The following CDH13 variants were observed in gnomAD, a reference collection of about 807,000 sequenced individuals.
CDH13 encodes the protein cadherin-13.
CDH13 carries 24 observed loss-of-function variants against 63.8 expected under a neutral mutation model. The observed-to-expected ratio is 0.38, with a 90% CI of 0.27 to 0.53. The LOEUF is 0.53. Among genes scored for constraint, CDH13 ranks in the 20% least tolerant of loss-of-function variants. The pLI, the probability that CDH13 is intolerant of heterozygous loss-of-function variation, is 0.85. For missense variants in CDH13, 1,049 were observed against 903.1 expected, an observed-to-expected ratio of 1.16 and a Z score of -2.07; for synonymous variants, 503 against 355.3, an observed-to-expected ratio of 1.42 and a Z score of -4.67.
chr16:82,769,122 C>G (rs1028726198), intron 1 of CDH13, among the ~76,000 whole-genome samples: 1 of 152,146 alleles, frequency 6.6e-6, no homozygotes, highest in Non-Finnish European at 1.5e-5. Flanking sequence ...CATTTTATAT[C>G]ATTTAGATCT....
intron 7 of CDH13, among the ~76,000 whole-genome samples, chr16:83,579,276 A>G (rs1474168685): frequency 1.3e-5 from 2 of 152,164 alleles, no homozygotes; most frequent in Admixed American, 6.5e-5. Flanking sequence ...CTGACTTCCT[A>G]CACTGTCATT....
At chr16:83,488,586 T>A (rs533254623) in intron 7 of CDH13, among the ~76,000 whole-genome samples, 1 of 152,252 alleles carries the variant, frequency 6.6e-6, no homozygotes, top group Admixed American at 6.5e-5. Flanking sequence ...TCATCTCCCA[T>A]TCTCTTTCCA....
chr16:83,481,088 G>C (rs796335917), intron 6 of CDH13, among the ~76,000 whole-genome samples: 4 of 152,296 alleles, frequency 2.6e-5, no homozygotes, highest in African/African-American at 7.2e-5. Flanking sequence ...GCTTGACAAC[G>C]ATGTGCCATT....
intron 7 of CDH13, among the ~76,000 whole-genome samples, chr16:83,505,677 G>T (rs968637607): frequency 6.6e-6 from 1 of 151,664 alleles, no homozygotes; most frequent in African/African-American, 2.4e-5. Flanking sequence ...CGGAGTAGCT[G>T]GGATTACAGG....
intron 3 of CDH13, among the ~76,000 whole-genome samples, chr16:83,059,621 G>A (rs1567790703): frequency 6.6e-6 from 1 of 152,072 alleles, no homozygotes; most frequent in African/African-American, 2.4e-5. Context: ...GAGCCAGGCT[G>A]TTGCATGACA....
intron 1 of CDH13, among the ~76,000 whole-genome samples, chr16:82,848,850 G>A (rs1481649681): frequency 6.6e-6 from 1 of 152,194 alleles, no homozygotes; most frequent in Non-Finnish European, 1.5e-5. Context: ...TAAGCTAAGT[G>A]AGGAAGGCAT....
intron 13 of CDH13, among the ~76,000 whole-genome samples, chr16:83,792,889 T>C (rs954454576): frequency 7.9e-5 from 12 of 152,192 alleles, no homozygotes; most frequent in East Asian, 1.9e-4. Flanking sequence ...AGTGTAATCA[T>C]TGTAAAAATG....
At chr16:82,981,024 C>T (rs1260382431) in intron 2 of CDH13, among the ~76,000 whole-genome samples, 1 of 152,100 alleles carries the variant, frequency 6.6e-6, no homozygotes, top group Non-Finnish European at 1.5e-5. Flanking sequence ...AAAGGGAGCT[C>T]AGGTGCATCA....
chr16:83,088,580 T>C (rs1249505280), intron 3 of CDH13, among the ~76,000 whole-genome samples: 2 of 152,194 alleles, frequency 1.3e-5, no homozygotes, highest in Non-Finnish European at 2.9e-5. Context: ...CCTGGGCCCC[T>C]GTCCTATAAA....
At chr16:82,662,217 A>G (rs925785234) in intron 1 of CDH13, among the ~76,000 whole-genome samples, 4 of 138,424 alleles carry the variant, frequency 2.9e-5, no homozygotes, top group Non-Finnish European at 5.0e-5. Context: ...TATGATATTA[A>G]TTTCACTTAA....
chr16:83,347,641 A>G (rs1229148034), intron 6 of CDH13, among the ~76,000 whole-genome samples: 1 of 152,182 alleles, frequency 6.6e-6, no homozygotes, highest in African/African-American at 2.4e-5. Context: ...TATCTTACAG[A>G]TGAGAAAACT....
chr16:83,508,100 G>GGA (rs1567722270), intron 7 of CDH13, among the ~76,000 whole-genome samples: 96 of 59,664 alleles, frequency 1.6e-3, no homozygotes, highest in African/African-American at 5.9e-3. Context: ...AGGAAGGAAA[G>GGA]AAGGAAGGAA....
intron 1 of CDH13, among the ~76,000 whole-genome samples, chr16:82,711,269 C>T (rs191383256): frequency 2.4e-4 from 37 of 152,252 alleles, no homozygotes; most frequent in African/African-American, 8.2e-4. Context: ...GTGAAGAGCC[C>T]TTCATCATCT....
At chr16:82,714,207 C>CTGATGA (rs2032180851) in intron 1 of CDH13, among the ~76,000 whole-genome samples, 1 of 152,168 alleles carries the variant, frequency 6.6e-6, no homozygotes, top group Non-Finnish European at 1.5e-5. Context: ...GCCTCTGACT[C>CTGATGA]CACTTAAGCC....
intron 3 of CDH13, among the ~76,000 whole-genome samples, chr16:83,033,495 A>G (rs1010869948): frequency 1.1e-4 from 16 of 152,294 alleles, no homozygotes; most frequent in African/African-American, 3.6e-4. Context: ...GCATACACAT[A>G]CTATATATGC....
chr16:83,634,994 G>C (rs1009773408), intron 8 of CDH13, among the ~76,000 whole-genome samples: 1 of 152,190 alleles, frequency 6.6e-6, no homozygotes, highest in African/African-American at 2.4e-5. Flanking sequence ...ATAAGAAACT[G>C]CCTGTTTTCC....
intron 2 of CDH13, among the ~76,000 whole-genome samples, chr16:82,918,124 A>C (rs960594223): frequency 3.3e-5 from 5 of 152,174 alleles, no homozygotes; most frequent in African/African-American, 9.7e-5. Flanking sequence ...TGGCAGAGCA[A>C]ATGCAGAACC....
intron 1 of CDH13, among the ~76,000 whole-genome samples, chr16:82,783,581 C>T (rs1381412061): frequency 6.6e-6 from 1 of 152,212 alleles, no homozygotes; most frequent in Non-Finnish European, 1.5e-5. Flanking sequence ...AAAATGTGTG[C>T]AGTGATTCTT....
At chr16:83,788,481 TA>T (rs35247333) in intron 13 of CDH13, among the ~76,000 whole-genome samples, 82,701 of 149,584 alleles carry the variant, frequency 0.55, 23,379 homozygotes, top group African/African-American at 0.61. Flanking sequence ...TTTTTTAGAT[TA>T]AAAAAAAAAG....
Sources: allele counts gnomAD v4.1 joint callset (sites outside exome capture counted in the v4.1 genomes callset), GRCh38; gene constraint gnomAD v4.1.1; transcripts MANE v1.5; gene names NCBI Gene and HGNC (gene_info 2026-07-23, HGNC 2026-07-21).